Variants in CDH13 observed in about 807,000 individuals in gnomAD.
CDH13 encodes the protein cadherin-13.
In CDH13, 24 loss-of-function variants were observed where a neutral mutation model predicts 63.8. The observed-to-expected ratio is 0.38, with a 90% CI of 0.27 to 0.53. The LOEUF (loss-of-function observed/expected upper bound fraction) is 0.53. Among genes scored for constraint, CDH13 ranks in the 20% least tolerant of loss-of-function variants. CDH13 has a pLI of 0.85. For synonymous variants in CDH13, 503 were observed against 355.3 expected (o/e 1.42, Z -4.67); for missense variants, 1,049 against 903.1 (o/e 1.16, Z -2.07).
chr16:83,094,297 C>A (rs976915775), intron 3 of CDH13, among the ~76,000 whole-genome samples: 1 of 152,092 alleles, frequency 6.6e-6, no homozygotes, highest in Non-Finnish European at 1.5e-5. Flanking sequence ...AAAGCCTCTC[C>A]CATGGTGGTT....
At position 83,482,250 on chromosome 16, in the gene CDH13, G is replaced by A. The variant is rs112494885; in HGVS notation, c.782-4227G>A. 5.4e-3 allele frequency among the ~76,000 whole-genome samples: 829 copies of A among 152,302 alleles called. 7 individuals are homozygous for A. The highest frequency in any genetic ancestry group is 0.019 in the African/African-American group (775 of 41,568). Reference sequence around the variant, plus strand: ...AAGAACACTGATGAGGACCTACCGCGTGTCAGACACTGGGCTTACAAAATG... The same window carrying A: ...AAGAACACTGATGAGGACCTACCGCATGTCAGACACTGGGCTTACAAAATG... On this transcript the variant is annotated intron_variant, in intron 6 of 13. Transcript: ENST00000567109.
chr16:82,685,735 G>C lies in CDH13; in HGVS notation c.45+58598G>C, dbSNP rs10514556. ...CCTGGCTCAGGCAGCTTTCGCTTCAGTTGGCTTTTATCTCTTCCTATGTGC... is the reference window on the plus strand; with the variant it reads ...CCTGGCTCAGGCAGCTTTCGCTTCACTTGGCTTTTATCTCTTCCTATGTGC... On this transcript the variant is annotated intron_variant, in intron 1 of 13. Transcript: ENST00000567109. 0.027 allele frequency among the ~76,000 whole-genome samples: 4,140 copies of C among 152,298 alleles called. 328 individuals carry two copies. In the East Asian group the frequency reaches 0.33, roughly 12 times the overall value.
At chr16:83,680,821 G>A (rs980843921) in intron 10 of CDH13, among the ~76,000 whole-genome samples, 1 of 151,924 alleles carries the variant, frequency 6.6e-6, no homozygotes, top group Non-Finnish European at 1.5e-5. Context: ...ATAGGTCAGC[G>A]CACCTAATGG....
At chr16:83,088,487 A>G (rs927341546) in intron 3 of CDH13, among the ~76,000 whole-genome samples, 3 of 152,176 alleles carry the variant, frequency 2.0e-5, no homozygotes, top group Admixed American at 6.5e-5. Flanking sequence ...TTTTAGTTAC[A>G]TACTGCTGCT....
At chr16:83,668,080 G>C (rs185944025) in intron 8 of CDH13, among the ~76,000 whole-genome samples, 1 of 152,202 alleles carries the variant, frequency 6.6e-6, no homozygotes, top group Non-Finnish European at 1.5e-5. Flanking sequence ...GGGAAGATCA[G>C]TCCATCCCTG....
At chr16:82,718,392 A>G (rs1245367185) in intron 1 of CDH13, among the ~76,000 whole-genome samples, 1 of 152,184 alleles carries the variant, frequency 6.6e-6, no homozygotes, top group African/African-American at 2.4e-5. Context: ...GCTCTGCTGT[A>G]GATTTCCCCG....
chr16:83,588,918 G>A (rs1001050610), intron 7 of CDH13, among the ~76,000 whole-genome samples: 1 of 152,176 alleles, frequency 6.6e-6, no homozygotes, highest in Non-Finnish European at 1.5e-5. Flanking sequence ...CAGTGTTCCA[G>A]GAAACTCAGC....
chr16:83,725,877 G>A (rs1185891088), intron 10 of CDH13: 2 of 152,198 alleles, frequency 1.3e-5, no homozygotes, highest in Admixed American at 1.3e-4. Context: ...AGCTCCTTTG[G>A]AACTGATAAA....
At chr16:82,657,312 C>T (rs1286152485) in intron 1 of CDH13, among the ~76,000 whole-genome samples, 1 of 152,178 alleles carries the variant, frequency 6.6e-6, no homozygotes, top group Non-Finnish European at 1.5e-5. Flanking sequence ...TGGGCTGTCT[C>T]TCTCAAAATC....
At chr16:82,993,236 C>G (rs1270616125) in intron 2 of CDH13, among the ~76,000 whole-genome samples, 1 of 152,132 alleles carries the variant, frequency 6.6e-6, no homozygotes, top group Non-Finnish European at 1.5e-5. Flanking sequence ...CAAAGGCAGC[C>G]CAAGTTCCCT....
intron 1 of CDH13, among the ~76,000 whole-genome samples, chr16:82,756,188 C>T (rs1034144616): frequency 2.0e-5 from 3 of 151,994 alleles, no homozygotes; most frequent in Non-Finnish European, 4.4e-5. Flanking sequence ...GTTACCTAAC[C>T]AACAGGTTCT....
intron 5 of CDH13, among the ~76,000 whole-genome samples, chr16:83,310,084 AAGAT>A (rs1275642713): frequency 6.6e-6 from 1 of 152,236 alleles, no homozygotes; most frequent in Admixed American, 6.5e-5. Context: ...TCCCTTATGA[AAGAT>A]AGACTATTTT....
At chr16:82,923,630 C>A (rs1200161053) in intron 2 of CDH13, among the ~76,000 whole-genome samples, 1 of 152,124 alleles carries the variant, frequency 6.6e-6, no homozygotes, top group Admixed American at 6.5e-5. Flanking sequence ...GAGTCTGTTT[C>A]CTTGGATCCA....
At chr16:83,556,400 G>A (rs1461765201) in intron 7 of CDH13, among the ~76,000 whole-genome samples, 1 of 152,168 alleles carries the variant, frequency 6.6e-6, no homozygotes, top group East Asian at 1.9e-4. Flanking sequence ...GCATCATCAT[G>A]AACAAATTGC....
intron 1 of CDH13, among the ~76,000 whole-genome samples, chr16:82,853,102 G>T (rs2039558773): frequency 1.3e-5 from 2 of 152,282 alleles, no homozygotes; most frequent in African/African-American, 2.4e-5. Context: ...TTAGGGTAGT[G>T]GCTCTTGCAT....
At chr16:83,311,719 C>T (rs896892414) in intron 5 of CDH13, among the ~76,000 whole-genome samples, 8 of 152,156 alleles carry the variant, frequency 5.3e-5, no homozygotes, top group Admixed American at 3.3e-4. Flanking sequence ...ATATCCAGAA[C>T]GCTCTTTTCT....
In CDH13 at chr16:82,843,596, G is replaced by C. The variant is rs910558185; in HGVS notation, c.46-14766G>C. Reference sequence around the variant, plus strand: ...CAGAAAAAAAAAGCTTAACAAGATAGACATTTTAGTTCAATAGAAGAATTT... The same window carrying C: ...CAGAAAAAAAAAGCTTAACAAGATACACATTTTAGTTCAATAGAAGAATTT... On this transcript the variant is annotated intron_variant, in intron 1 of 13. Transcript: ENST00000567109. Among the ~76,000 whole-genome samples the C allele has an allele frequency of 7.9e-5, 12 of 152,184 alleles. 1 individual carries two copies. The highest frequency in any genetic ancestry group is 7.9e-4 in the Admixed American group (12 of 15,278).
rs377479512 is a variant in CDH13 at position 83,512,194 on chromosome 16, G to T, written c.960+25539G>T. On this transcript the variant is annotated intron_variant, in intron 7 of 13. Coordinates refer to ENST00000567109, the MANE Select transcript of CDH13 (RefSeq NM_001257.5). ...AAATTAGCCAGACATGGTGGCGGGT[G>T]CCTGTAGTCCCAGCTACTCGGGAGT... 2.3e-3 allele frequency among the ~76,000 whole-genome samples: 343 copies of T among 151,708 alleles called. 1 individual carries two copies. Among genetic ancestry groups the T allele is most frequent in the African/African-American group, 7.6e-3 (314 of 41,364 alleles).
At chr16:83,030,559 C>T (rs889366665) in intron 2 of CDH13, among the ~76,000 whole-genome samples, 2 of 149,340 alleles carry the variant, frequency 1.3e-5, no homozygotes, top group Non-Finnish European at 3.0e-5. Context: ...AGGAGAATCA[C>T]TGGAACCCGG....
Sources: gnomAD v4.1 joint callset for allele counts (sites outside exome capture counted in the v4.1 genomes callset) on GRCh38, gnomAD v4.1.1 for gene constraint, MANE v1.5 for transcripts, NCBI Gene and HGNC (gene_info 2026-07-23, HGNC 2026-07-21) for gene names.